IQCM: variants seen among roughly 807,000 people sequenced by gnomAD.
IQCM encodes IQ domain-containing protein M.
A neutral mutation model predicts 57.6 loss-of-function variants in IQCM; 45 were observed. The observed-to-expected ratio is 0.78, with a 90% CI of 0.62 to 1.00. The LOEUF (loss-of-function observed/expected upper bound fraction) is 1.00, where lower values mean the gene tolerates loss of function less well. Among genes scored for constraint, IQCM ranks in the 50% least tolerant of loss-of-function variants. The pLI, the probability that IQCM is intolerant of heterozygous loss-of-function variation, is 0.00. For synonymous variants in IQCM, 148 were observed against 158.9 expected (o/e 0.93, Z 0.51); for missense variants, 468 against 511.6 (o/e 0.91, Z 0.82).
intron 7 of IQCM, among the ~76,000 whole-genome samples, chr4:149,670,494 G>T (rs555660229): frequency 1.3e-5 from 2 of 152,228 alleles, no homozygotes; most frequent in South Asian, 4.1e-4. Context: ...GATTGCCCTG[G>T]CCAGAACTTC....
intron 7 of IQCM, among the ~76,000 whole-genome samples, chr4:149,670,592 A>C (rs1219625624): frequency 6.6e-6 from 1 of 152,146 alleles, no homozygotes; most frequent in East Asian, 1.9e-4. Context: ...TTGCTCATTC[A>C]GTATCATATT....
rs551990252 is a variant in IQCM, at chr4:149,459,903, G to A, written c.1229-26346C>T. Among the ~76,000 whole-genome samples the A allele has an allele frequency of 2.8e-3, 429 of 152,216 alleles. 7 individuals are homozygous for A. Among genetic ancestry groups the A allele is most frequent in the African/African-American group, 9.8e-3 (406 of 41,548 alleles). On this transcript the variant is annotated intron_variant, in intron 12 of 13. Coordinates refer to ENST00000636793, the MANE Select transcript of IQCM (RefSeq NM_001363507.2). ...GTGGGTTGAACAAATACCTTTTTAA[G>A]ACCATGCTTTCAATTATTTTGAGTA...
Position 149,509,164 on chromosome 4 carries a change from T to C in IQCM, c.1228+39291A>G, listed in dbSNP as rs116975098. Reference sequence around the variant, plus strand: ...TATACCAGCCTTCCCTTCATCATCCTCAATATGTTTTGCAGAAGCCAAGAT... The same window carrying C: ...TATACCAGCCTTCCCTTCATCATCCCCAATATGTTTTGCAGAAGCCAAGAT... On this transcript the variant is annotated intron_variant, in intron 12 of 13. Coordinates refer to ENST00000636793, the MANE Select transcript of IQCM (RefSeq NM_001363507.2). Among the ~76,000 whole-genome samples the C allele has an allele frequency of 2.3e-3, 354 of 152,318 alleles. 13 individuals are homozygous for C. The East Asian group carries it at 0.051, about 22-fold the overall frequency.
At chr4:149,436,926 G>T (rs958418105) in intron 12 of IQCM, among the ~76,000 whole-genome samples, 1 of 152,038 alleles carries the variant, frequency 6.6e-6, no homozygotes, top group Non-Finnish European at 1.5e-5. Context: ...TGCAAAGCAG[G>T]TTATATACAT....
At chr4:149,437,370 C>G (rs1735464081) in intron 12 of IQCM, among the ~76,000 whole-genome samples, 1 of 152,090 alleles carries the variant, frequency 6.6e-6, no homozygotes, top group South Asian at 2.1e-4. Context: ...TTTGTAGCAG[C>G]TGTTGAAAAG....
intron 12 of IQCM, among the ~76,000 whole-genome samples, chr4:149,447,568 G>T (rs1736648253): frequency 6.6e-6 from 1 of 151,184 alleles, no homozygotes; most frequent in Non-Finnish European, 1.5e-5. Context: ...GTGAAATTGA[G>T]AACATACCAG....
At chr4:149,529,144 A>G (rs1363633342) in intron 12 of IQCM, among the ~76,000 whole-genome samples, 1 of 152,094 alleles carries the variant, frequency 6.6e-6, no homozygotes, top group East Asian at 1.9e-4. Context: ...GCTCACTGCA[A>G]CCTCAGCCTC....
intron 2 of IQCM, among the ~76,000 whole-genome samples, chr4:149,795,949 T>G (rs1293681539): frequency 6.6e-6 from 1 of 152,200 alleles, no homozygotes; most frequent in Non-Finnish European, 1.5e-5. Context: ...ATTGAGGGTC[T>G]TGAGTGAGAC....
intron 9 of IQCM, among the ~76,000 whole-genome samples, chr4:149,567,513 A>T (rs957394845): frequency 6.6e-6 from 1 of 151,798 alleles, no homozygotes. Context: ...CACACAGCTA[A>T]TTTTTTGTAT....
intron 8 of IQCM, among the ~76,000 whole-genome samples, chr4:149,620,094 T>C (rs571165627): frequency 4.0e-5 from 6 of 151,436 alleles, no homozygotes; most frequent in Non-Finnish European, 8.8e-5. Flanking sequence ...CAGGTGGAGG[T>C]TGCGGTGAGC....
At chr4:149,619,080 A>G (rs1756055310) in intron 8 of IQCM, among the ~76,000 whole-genome samples, 1 of 146,778 alleles carries the variant, frequency 6.8e-6, no homozygotes, top group African/African-American at 2.5e-5. Flanking sequence ...GTCCATCAAT[A>G]GATGACTGGA....
At chr4:149,791,607 T>C (rs1183551995) in intron 2 of IQCM, among the ~76,000 whole-genome samples, 1 of 152,186 alleles carries the variant, frequency 6.6e-6, no homozygotes, top group Non-Finnish European at 1.5e-5. Context: ...CAGCCTCCGG[T>C]AACTATCATT....
intron 13 of IQCM, among the ~76,000 whole-genome samples, chr4:149,425,490 T>C (rs533499446): frequency 6.6e-6 from 1 of 151,982 alleles, no homozygotes; most frequent in South Asian, 2.1e-4. Context: ...CTGGTTCAAG[T>C]CCAAAAGTCC....
chr4:149,612,398 A>G (rs770670130), intron 8 of IQCM, among the ~76,000 whole-genome samples: 1 of 151,990 alleles, frequency 6.6e-6, no homozygotes, highest in East Asian at 1.9e-4. Flanking sequence ...TTTTCCACCC[A>G]TTTTCTCATT....
At chr4:149,368,580 T>C (rs1170515136) in intron 13 of IQCM, among the ~76,000 whole-genome samples, 1 of 151,462 alleles carries the variant, frequency 6.6e-6, no homozygotes, top group Non-Finnish European at 1.5e-5. Context: ...GCTGGGGCTG[T>C]TTCTAAGCAA....
intron 9 of IQCM, among the ~76,000 whole-genome samples, chr4:149,581,307 T>TTG (rs144585513): frequency 0.21 from 31,750 of 148,910 alleles, 4,119 homozygotes; most frequent in Non-Finnish European, 0.29. Flanking sequence ...ATATATATAC[T>TTG]TGTGTGTGTG....
chr4:149,371,403 C>T (rs1178043430), intron 13 of IQCM, among the ~76,000 whole-genome samples: 1 of 152,098 alleles, frequency 6.6e-6, no homozygotes, highest in Non-Finnish European at 1.5e-5. Context: ...GTCCTCTGAT[C>T]AGGATAGGAG....
chr4:149,739,372 A>G (rs1017027903), intron 3 of IQCM, among the ~76,000 whole-genome samples: 1 of 152,052 alleles, frequency 6.6e-6, no homozygotes, highest in Non-Finnish European at 1.5e-5. Context: ...AGCACCTAAC[A>G]TATAAGCTTT....
intron 2 of IQCM, among the ~76,000 whole-genome samples, chr4:149,807,531 TG>T (rs930950595): frequency 6.6e-6 from 1 of 151,948 alleles, no homozygotes; most frequent in African/African-American, 2.4e-5. Context: ...AAGTTTTTTT[TG>T]GAAGGTAAGA....
Sources: gnomAD v4.1 joint callset for allele counts (sites outside exome capture counted in the v4.1 genomes callset) on GRCh38, gnomAD v4.1.1 for gene constraint, MANE v1.5 for transcripts, NCBI Gene and HGNC (gene_info 2026-07-23, HGNC 2026-07-21) for gene names.